The following TBC1D32 variants were observed in gnomAD, a reference collection of about 807,000 sequenced individuals.
TBC1D32 encodes protein broad-minded.
TBC1D32 carries 151 observed loss-of-function variants against 170.3 expected under a neutral mutation model. That is an observed-to-expected ratio of 0.89 (90% CI 0.78 to 1.01). The LOEUF is 1.01. Among genes scored for constraint, TBC1D32 ranks in the 50% least tolerant of loss-of-function variants. The pLI is 0.00. For synonymous variants in TBC1D32, 498 were observed against 488.0 expected, an observed-to-expected ratio of 1.02 and a Z score of -0.27; for missense variants, 1,464 against 1,457.1, an observed-to-expected ratio of 1.00 and a Z score of -0.08.
At chr6:121,218,397 A>C (rs546947169) in intron 21 of TBC1D32, among the ~76,000 whole-genome samples, 1 of 152,262 alleles carries the variant, frequency 6.6e-6, no homozygotes, top group South Asian at 2.1e-4. Flanking sequence ...TAGTTCCCAT[A>C]ATCCCCACAT....
At chr6:121,095,609 C>G (rs1777304789) in intron 30 of TBC1D32, among the ~76,000 whole-genome samples, 1 of 152,134 alleles carries the variant, frequency 6.6e-6, no homozygotes, top group African/African-American at 2.4e-5. Context: ...TACGTTCCAT[C>G]AATACCTAGT....
chr6:121,259,249 G>T (rs1159262154), intron 15 of TBC1D32, among the ~76,000 whole-genome samples: 1 of 152,010 alleles, frequency 6.6e-6, no homozygotes, highest in East Asian at 1.9e-4. Flanking sequence ...AGTGAGCAGA[G>T]ATCGCACAAC....
chr6:121,334,018 G>A (rs997689064), intron 1 of TBC1D32, among the ~76,000 whole-genome samples: 1 of 152,148 alleles, frequency 6.6e-6, no homozygotes, highest in African/African-American at 2.4e-5. Context: ...AGTGAGCGGA[G>A]ATCGAGCCAT....
intron 24 of TBC1D32, among the ~76,000 whole-genome samples, chr6:121,141,164 A>T (rs1281298950): frequency 1.3e-5 from 2 of 152,106 alleles, no homozygotes; most frequent in African/African-American, 4.8e-5. Context: ...AGGTACAAAT[A>T]CTCTTAGAGA....
intron 26 of TBC1D32, among the ~76,000 whole-genome samples, chr6:121,119,393 G>A (rs1229097569): frequency 6.6e-6 from 1 of 151,994 alleles, no homozygotes; most frequent in Non-Finnish European, 1.5e-5. Context: ...ATAGAAGAGA[G>A]CATTTTTGCT....
chr6:121,138,173 A>T (rs1334381152), intron 24 of TBC1D32, among the ~76,000 whole-genome samples: 1 of 152,154 alleles, frequency 6.6e-6, no homozygotes, highest in African/African-American at 2.4e-5. Context: ...CCATCTATAA[A>T]TTTGGGAGTA....
intron 12 of TBC1D32, among the ~76,000 whole-genome samples, chr6:121,284,667 C>T (rs991835209): frequency 6.6e-6 from 1 of 151,888 alleles, no homozygotes; most frequent in Non-Finnish European, 1.5e-5. Context: ...TGAAAGTTGA[C>T]CTATGCTAAT....
In TBC1D32 at chr6:121,279,261, A is replaced by T. The variant is rs771111873; in HGVS notation, c.1609-16T>A. On this transcript the variant is annotated splice_polypyrimidine_tract_variant and intron_variant, in intron 14 of 31. Coordinates refer to ENST00000398212, the MANE Select transcript of TBC1D32 (RefSeq NM_152730.6). The stretch of plus-strand genomic sequence containing the variant: ...TTGGAGATGCCTGTACATTAAAAAG[A>T]AAACAAGACAAATCACATAATTTTA... 5 of 1,596,080 alleles carry T rather than the reference A, an allele frequency of 3.1e-6. No homozygotes were observed. In the Admixed American group the frequency reaches 9.2e-5, roughly 30 times the overall value.
In TBC1D32 at chr6:121,294,921, A is replaced by G. The variant is rs115865819; in HGVS notation, c.1141-261T>C. Among the ~76,000 whole-genome samples the G allele has an allele frequency of 8.9e-3, 1,351 of 152,270 alleles. 25 individuals carry two copies. The highest frequency in any genetic ancestry group is 0.031 in the African/African-American group (1,277 of 41,552). On this transcript the variant is annotated intron_variant, in intron 10 of 31. Coordinates refer to ENST00000398212, the MANE Select transcript of TBC1D32 (RefSeq NM_152730.6). The stretch of plus-strand genomic sequence containing the variant: ...TTGGTGTCATTGGACAGAAATAAAT[A>G]TGTAATTTATATTTTATAGTGAAAA...
intron 1 of TBC1D32, 45 bp from the exon 2 acceptor site, chr6:121,321,839 A>G (rs1444365502): frequency 6.7e-7 from 1 of 1,502,378 alleles, no homozygotes; most frequent in African/African-American, 1.4e-5. Flanking sequence ...TATCATAAGC[A>G]TATTCAGAAA....
intron 20 of TBC1D32, 98 bp from the exon 21 acceptor site, chr6:121,223,450 G>A (rs1198963937): frequency 3.8e-6 from 3 of 796,352 alleles, no homozygotes; most frequent in African/African-American, 1.8e-5. Context: ...GACTTTGAGG[G>A]CTCATTTTTA....
intron 24 of TBC1D32, among the ~76,000 whole-genome samples, chr6:121,140,738 CT>C (rs1157661081): frequency 6.6e-6 from 1 of 151,772 alleles, no homozygotes; most frequent in Non-Finnish European, 1.5e-5. Flanking sequence ...CAATGCACAC[CT>C]TTTATGTGCC....
At chr6:121,148,981 T>C (rs141675424) in intron 24 of TBC1D32, among the ~76,000 whole-genome samples, 17 of 152,310 alleles carry the variant, frequency 1.1e-4, no homozygotes, top group African/African-American at 4.1e-4. Flanking sequence ...TCACTGTGGT[T>C]TTGATTTGCA....
rs745551546 is a variant in TBC1D32, at chr6:121,160,953, C to T, written c.2674G>A (p.Glu892Lys). The T allele has an allele frequency of 2.7e-5, 43 of 1,613,016 alleles. No homozygotes were observed. The highest frequency in any genetic ancestry group is 3.1e-5 in the Non-Finnish European group (36 of 1,179,144). ...LERILPPRLL[E>K]KSDNPYPWPM... The stretch of plus-strand genomic sequence containing the variant: ...TCTCTTTGCCCCACACTCACCTTTT[C>T]GAGTAACCTCGGAGGCAAAATCCGT... Residue 892 changes from glutamate to lysine, a missense_variant, in exon 23 of 32, where the codon GAA (glutamate) becomes AAA (lysine). Physicochemically the swap from Glu to Lys is moderately conservative, Grantham distance 56 (BLOSUM62 1). Coordinates refer to ENST00000398212, the MANE Select transcript of TBC1D32 (RefSeq NM_152730.6).
At chr6:121,260,949 A>T (rs1799681614) in intron 15 of TBC1D32, among the ~76,000 whole-genome samples, 1 of 152,162 alleles carries the variant, frequency 6.6e-6, no homozygotes, top group Admixed American at 6.5e-5. Context: ...AGAGCCAGGG[A>T]AATTCAGGAG....
chr6:121,134,603 C>A (rs1480691017), intron 24 of TBC1D32, among the ~76,000 whole-genome samples: 2 of 152,080 alleles, frequency 1.3e-5, no homozygotes, highest in Non-Finnish European at 2.9e-5. Context: ...TTGTACCCTG[C>A]ATTATACTTC....
chr6:121,318,832 A>G (rs1022115632), intron 2 of TBC1D32, among the ~76,000 whole-genome samples: 3 of 151,130 alleles, frequency 2.0e-5, no homozygotes, highest in Non-Finnish European at 4.4e-5. Context: ...AATAATGAAA[A>G]TACACTAGGA....
At chr6:121,198,708 G>A (rs1182181708) in intron 22 of TBC1D32, among the ~76,000 whole-genome samples, 2 of 150,990 alleles carry the variant, frequency 1.3e-5, no homozygotes, top group East Asian at 3.9e-4. Context: ...CCGAGATCCC[G>A]CCACTGCACT....
At chr6:121,249,268 C>A (rs776150872) in intron 17 of TBC1D32, among the ~76,000 whole-genome samples, 2 of 151,468 alleles carry the variant, frequency 1.3e-5, no homozygotes, top group Admixed American at 6.6e-5. Context: ...ATCTAGCACC[C>A]CTTTAGATTA....
Sources: allele counts gnomAD v4.1 joint callset (sites outside exome capture counted in the v4.1 genomes callset), GRCh38; gene constraint gnomAD v4.1.1; transcripts MANE v1.5; gene names NCBI Gene and HGNC (gene_info 2026-07-23, HGNC 2026-07-21).